UGT2B15: variants seen among roughly 807,000 people sequenced by gnomAD.
The protein encoded by UGT2B15 is UDP-glucuronosyltransferase 2B15.
UGT2B15 carries 36 observed loss-of-function variants against 45.9 expected under a neutral mutation model. That is an observed-to-expected ratio of 0.78 (90% confidence interval 0.60 to 1.04). The LOEUF (loss-of-function observed/expected upper bound fraction) is 1.04, where lower values mean the gene tolerates loss of function less well. UGT2B15 is among the 50% of genes least tolerant of loss of function. The pLI is 0.00. For synonymous variants in UGT2B15, 219 were observed against 216.4 expected (o/e 1.01, Z -0.11); for missense variants, 617 against 622.4 (o/e 0.99, Z 0.09).
intron 5 of UGT2B15, among the ~76,000 whole-genome samples, chr4:68,650,758 C>T (rs1732629815): frequency 5.9e-5 from 9 of 152,008 alleles, no homozygotes; most frequent in Admixed American, 5.9e-4. Flanking sequence ...ACTTACATTC[C>T]CGTCAAAAAT....
intron 3 of UGT2B15, among the ~76,000 whole-genome samples, chr4:68,657,431 C>A (rs1365032523): frequency 1.3e-5 from 2 of 152,158 alleles, no homozygotes; most frequent in Non-Finnish European, 2.9e-5. Context: ...TCAGTGGTGA[C>A]ACACTGTGGA....
At chr4:68,665,630 T>TACAA (rs1270635069) in intron 2 of UGT2B15, among the ~76,000 whole-genome samples, 1 of 152,182 alleles carries the variant, frequency 6.6e-6, no homozygotes, top group Non-Finnish European at 1.5e-5. Flanking sequence ...TTTTGAAATA[T>TACAA]ACAAACATTA....
At position 68,654,363 on chromosome 4, in the gene UGT2B15, T is replaced by G; in HGVS notation, c.1094-107A>C. 3.8e-6 allele frequency: 4 copies of G among 1,063,360 alleles called. No individual in the cohort carries two copies. In the South Asian group the frequency reaches 7.6e-5, roughly 20 times the overall value. The allele number at this position is 1,063,360 out of a possible 1,614,324, so 65.9% of individuals were successfully genotyped here. ...AAGCAAAACTGTTCCCTAGGTAACA[T>G]TATACCCACAAAACTGCATTGAAAT... On this transcript the variant is annotated intron_variant, in intron 4 of 5. Transcript: ENST00000338206.
At chr4:68,657,923 T>G (rs1011645466) in intron 3 of UGT2B15, among the ~76,000 whole-genome samples, 1 of 152,080 alleles carries the variant, frequency 6.6e-6, no homozygotes, top group Non-Finnish European at 1.5e-5. Context: ...TTCTATAATT[T>G]TATGTTTAAT....
chr4:68,649,070 A>AT (rs1239675164), intron 5 of UGT2B15, among the ~76,000 whole-genome samples: 1 of 151,784 alleles, frequency 6.6e-6, no homozygotes, highest in East Asian at 1.9e-4. Context: ...TATAATTAGA[A>AT]TTTTTTGTTG....
rs376015433 is a variant in UGT2B15, at chr4:68,670,067, A to G, written c.552T>C (p.Asn184=). The G allele has an allele frequency of 7.4e-6, 12 of 1,614,002 alleles. 1 individual carries two copies. The African/African-American group carries it at 1.2e-4, about 16-fold the overall frequency. ...AAGGAGGGAACAGAAATCCTCCACC[A>G]TTCTTCTCAAATGTGTAGCCAACAG... is the stretch of plus-strand genomic sequence containing the variant. ...RFSVGYTFEK[N]GGGFLFPPSY... The change falls in exon 1 of 6, where the codon AAT becomes AAC. Residue 184 remains asparagine, a synonymous_variant. Coordinates refer to ENST00000338206, the MANE Select transcript of UGT2B15 (RefSeq NM_001076.4).
chr4:68,647,728 A>AT (rs747531118), intron 5 of UGT2B15, among the ~76,000 whole-genome samples: 16 of 151,678 alleles, frequency 1.1e-4, no homozygotes, highest in Non-Finnish European at 1.8e-4. Context: ...ATTTTTTTTT[A>AT]TTTTTTGAGA....
chr4:68,667,388 C>T (rs1189243041), intron 2 of UGT2B15, among the ~76,000 whole-genome samples: 4 of 152,040 alleles, frequency 2.6e-5, no homozygotes, highest in Non-Finnish European at 4.4e-5. Flanking sequence ...GTTTCCCAGG[C>T]TGGTCTCAAA....
chr4:68,650,122 C>T (rs1732607745), intron 5 of UGT2B15, among the ~76,000 whole-genome samples: 2 of 152,058 alleles, frequency 1.3e-5, no homozygotes, highest in Admixed American at 1.3e-4. Flanking sequence ...GCGTGAGTCA[C>T]TGCACCTGGT....
Position 68,654,261 on chromosome 4 carries a change from A to C in UGT2B15, c.1094-5T>G. 6.2e-7 allele frequency: 1 copy of C among 1,610,024 alleles called. No homozygotes were observed. The highest frequency in any genetic ancestry group is 2.2e-5 in the East Asian group (1 of 44,860). ...AAGCTTTGGTTTTGGGATGACCTAA[A>C]AGTGGATGCATTTTAACAAAATTAT... On this transcript the variant is annotated splice_polypyrimidine_tract_variant and splice_region_variant and intron_variant, in intron 4 of 5. Transcript: ENST00000338206.
chr4:68,670,409 AGAT>A lies in UGT2B15; in HGVS notation c.207_209del (p.Ser70del), dbSNP rs1560613496. The A allele has an allele frequency of 1.9e-6, 3 of 1,613,756 alleles. No individual in the cohort carries two copies. The highest frequency in any genetic ancestry group is 2.5e-6 in the Non-Finnish European group (3 of 1,179,948). On this transcript the variant is annotated inframe_deletion, in exon 1 of 6. Coordinates refer to ENST00000338206, the MANE Select transcript of UGT2B15 (RefSeq NM_001076.4). ...TAGGATAAACTTCTAATTTAATAGC[AGAT>A]GATTTACTGGCATTGACAAGAGTAG...
intron 5 of UGT2B15, among the ~76,000 whole-genome samples, chr4:68,647,822 C>A (rs1732528176): frequency 6.6e-6 from 1 of 151,980 alleles, no homozygotes; most frequent in Non-Finnish European, 1.5e-5. Flanking sequence ...CTCAAGTAAT[C>A]CTACATCTCA....
Position 68,670,132 on chromosome 4 carries a change from C to T in UGT2B15, c.487G>A (p.Glu163Lys), listed in dbSNP as rs199566996. 6.2e-7 allele frequency: 1 copy of T among 1,614,070 alleles called. No individual in the cohort carries two copies. Among genetic ancestry groups the T allele is most frequent in the African/African-American group, 1.3e-5 (1 of 75,026 alleles). Residue 163 changes from glutamate to lysine, a missense_variant, in exon 1 of 6, where the codon GAA (glutamate) becomes AAA (lysine). This residue lies in a region of UGT2B15 where 351 missense variants were observed against 342.1 expected (regional missense o/e 1.03). Transcript: ENST00000338206. ...TACAGAAAGGGTATGTTAAATAGTT[C>T]AGCCAGTAGCTCACCACAGGGATTA... ...ALNPCGELLA[E>K]LFNIPFLYSL...
In UGT2B15 at chr4:68,647,262, C is replaced by T; in HGVS notation, c.1435G>A (p.Val479Ile). The change falls in exon 6 of 6, where the codon GTC becomes ATC. Residue 479 changes from valine to isoleucine, a missense_variant. Val to Ile is a conservative substitution (Grantham distance 29, BLOSUM62 3). This residue lies in a region of UGT2B15 where 265 missense variants were observed against 245.1 expected (regional missense o/e 1.08). Coordinates refer to ENST00000338206, the MANE Select transcript of UGT2B15 (RefSeq NM_001076.4). ...ATCCAGGTGAGGTTGTGAGCTGCGA[C>T]TCGAAGGTGCTTGGCTCCTTTGTGG... The part of the protein sequence containing the change: ...MRHKGAKHLR[V>I]AAHNLTWIQY... 1 of 1,613,984 alleles carries T rather than the reference C, an allele frequency of 6.2e-7. No homozygotes were observed. Among genetic ancestry groups the T allele is most frequent in the East Asian group, 2.2e-5 (1 of 44,886 alleles).
chr4:68,652,219 A>G (rs1024125763), intron 5 of UGT2B15, among the ~76,000 whole-genome samples: 1 of 151,984 alleles, frequency 6.6e-6, no homozygotes, highest in Admixed American at 6.6e-5. Flanking sequence ...ATTTTTGCAT[A>G]TTGATTTTTG....
Position 68,651,366 on chromosome 4 carries a change from G to A in UGT2B15, c.1313+2671C>T, listed in dbSNP as rs143449141. ...CAGGGGACTAGTTTCCGTTTTCTGC[G>A]TATGGCTAGCCGGTTTCTCCAGCAC... On this transcript the variant is annotated intron_variant, in intron 5 of 5. Coordinates refer to ENST00000338206, the MANE Select transcript of UGT2B15 (RefSeq NM_001076.4). 9.5e-4 allele frequency among the ~76,000 whole-genome samples: 145 copies of A among 152,100 alleles called. 1 individual carries two copies. Among genetic ancestry groups the A allele is most frequent in the East Asian group, 3.1e-3 (16 of 5,178 alleles).
At chr4:68,647,487 G>A in intron 5 of UGT2B15, 104 bp from the exon 6 acceptor site, 2 of 1,304,168 alleles carry the variant, frequency 1.5e-6, no homozygotes, top group South Asian at 1.9e-5. Flanking sequence ...ATGATTGAAA[G>A]TAAGTGTCAC....
chr4:68,647,371 A>G lies in UGT2B15; in HGVS notation c.1326T>C (p.Asn442=), dbSNP rs1732512886. Residue 442 remains asparagine (N), a synonymous_variant, in exon 6 of 6, where the codon AAT becomes AAC. Coordinates refer to ENST00000338206, the MANE Select transcript of UGT2B15 (RefSeq NM_001076.4). The part of the protein sequence containing the change: ...SVINDPVYKE[N]VMKLSRIHHD... ...GATGAATTCTTGATAATTTCATGAC[A>G]TTCTCTTTATAGCTGAAGGATAAAT... The G allele has an allele frequency of 2.5e-6, 4 of 1,613,108 alleles. No individual in the cohort carries two copies. The highest frequency in any genetic ancestry group is 1.3e-5 in the African/African-American group (1 of 74,980).
rs373328078 is a variant in UGT2B15 at position 68,654,068 on chromosome 4, T to C, written c.1282A>G (p.Asn428Asp). Reference sequence around the variant, plus strand: ...TCATTAATGACTGACTTCAATGCATTGAGCAAATCTCTACTTGACATGGTC... The same window carrying C: ...TCATTAATGACTGACTTCAATGCATCGAGCAAATCTCTACTTGACATGGTC... ...IRTMSSRDLL[N>D]ALKSVINDPV... The change falls in exon 5 of 6, where the codon AAT becomes GAT. Residue 428 changes from asparagine to aspartate, a missense_variant. Around this residue, in one of 3 missense-constraint regions of UGT2B15, gnomAD observed 265 missense variants for 245.1 expected, o/e 1.08. Transcript: ENST00000338206. The C allele has an allele frequency of 1.7e-5, 28 of 1,613,372 alleles. No individual in the cohort carries two copies. Among genetic ancestry groups the C allele is most frequent in the African/African-American group, 1.5e-4 (11 of 74,848 alleles).
Sources: allele counts gnomAD v4.1 joint callset (sites outside exome capture counted in the v4.1 genomes callset), GRCh38; gene constraint gnomAD v4.1.1; regional missense constraint gnomAD v4.1.1; transcripts MANE v1.5; gene names NCBI Gene and HGNC (gene_info 2026-07-23, HGNC 2026-07-21).